Variants in EYS observed in about 807,000 individuals in gnomAD.
EYS encodes EGF-like photoreceptor maintenance factor.
EYS carries 250 observed loss-of-function variants against 282.1 expected under a neutral mutation model. The ratio of observed to expected loss-of-function variants is 0.89; its 90% CI spans 0.80 to 0.98. The LOEUF (loss-of-function observed/expected upper bound fraction) is 0.98, where lower values mean the gene tolerates loss of function less well. Among genes scored for constraint, EYS ranks in the 50% least tolerant of loss-of-function variants. The pLI is 0.00. For missense variants in EYS, 4,016 were observed against 3,709.0 expected (o/e 1.08, Z -2.15); for synonymous variants, 1,355 against 1,282.9 (o/e 1.06, Z -1.20).
At chr6:65,589,955 T>C (rs1476342344) in intron 2 of EYS, among the ~76,000 whole-genome samples, 1 of 152,134 alleles carries the variant, frequency 6.6e-6, no homozygotes, top group South Asian at 2.1e-4. Context: ...GTTAAATATA[T>C]CTTTATAATT....
chr6:65,499,179 T>A (rs897663126), intron 2 of EYS, among the ~76,000 whole-genome samples: 1 of 152,030 alleles, frequency 6.6e-6, no homozygotes, highest in Non-Finnish European at 1.5e-5. Flanking sequence ...TTAAATTCAG[T>A]AGTTAAGAAA....
chr6:64,768,971 C>G (rs961644781), intron 22 of EYS, among the ~76,000 whole-genome samples: 12 of 152,076 alleles, frequency 7.9e-5, no homozygotes, highest in African/African-American at 1.4e-4. Context: ...ATGAATGGAG[C>G]TAGATCCTGT....
intron 41 of EYS, among the ~76,000 whole-genome samples, chr6:63,746,324 G>T (rs1769209770): frequency 6.6e-6 from 1 of 152,220 alleles, no homozygotes; most frequent in Non-Finnish European, 1.5e-5. Flanking sequence ...GATTTAGTTT[G>T]CCAGTATTTT....
chr6:64,351,881 G>T (rs1442538438), intron 29 of EYS, among the ~76,000 whole-genome samples: 2 of 151,494 alleles, frequency 1.3e-5, no homozygotes, highest in Non-Finnish European at 3.0e-5. Context: ...GTAATTATGT[G>T]TATACATAGT....
At chr6:64,048,711 T>C (rs1040604396) in intron 33 of EYS, among the ~76,000 whole-genome samples, 1 of 152,160 alleles carries the variant, frequency 6.6e-6, no homozygotes, top group Non-Finnish European at 1.5e-5. Context: ...TGTTCATTTT[T>C]ATATGACTAT....
chr6:65,070,073 C>A (rs1026789044), intron 12 of EYS, among the ~76,000 whole-genome samples: 1 of 151,866 alleles, frequency 6.6e-6, no homozygotes, highest in Non-Finnish European at 1.5e-5. Context: ...GAGGTTAAAA[C>A]AATTCCTAAA....
At chr6:64,116,888 A>G (rs140750587) in intron 31 of EYS, among the ~76,000 whole-genome samples, 143 of 152,264 alleles carry the variant, frequency 9.4e-4, no homozygotes, top group Non-Finnish European at 1.6e-3. Flanking sequence ...TTGTAAATAT[A>G]TAAGTACTAA....
At chr6:64,563,451 T>G (rs1765466935) in intron 26 of EYS, among the ~76,000 whole-genome samples, 1 of 152,078 alleles carries the variant, frequency 6.6e-6, no homozygotes, top group Non-Finnish European at 1.5e-5. Flanking sequence ...GTATTCAAAA[T>G]TCTGACACCA....
intron 12 of EYS, among the ~76,000 whole-genome samples, chr6:65,164,401 T>A (rs868271738): frequency 6.7e-6 from 1 of 149,098 alleles, no homozygotes. Context: ...ACGATTATAC[T>A]TTTACTGCAT....
intron 29 of EYS, among the ~76,000 whole-genome samples, chr6:64,387,760 T>C (rs1291770947): frequency 6.6e-6 from 1 of 152,128 alleles, no homozygotes; most frequent in Non-Finnish European, 1.5e-5. Flanking sequence ...ATGGAGTAAA[T>C]CTGAATCTAA....
chr6:64,175,371 A>G (rs1267131767), intron 31 of EYS, among the ~76,000 whole-genome samples: 3 of 152,136 alleles, frequency 2.0e-5, no homozygotes, highest in African/African-American at 7.2e-5. Flanking sequence ...CAGGGAGCAG[A>G]AGTGAGGGAA....
At position 64,593,205 on chromosome 6, in the gene EYS, A is replaced by G. The variant is rs1269148511; in HGVS notation, c.3789T>C (p.Ile1263=). ...TDPISTQTYT[I]PPSETLVSSF... is the part of the protein sequence containing the mutation. ...TGCTGACCAAAGTCTCAGAAGGGGG[A>G]ATTGTATATGTCTGTGTGGAAATGG... Residue 1263 remains isoleucine (I), a synonymous_variant, in exon 25 of 43, where the codon ATT becomes ATC. Transcript: ENST00000503581. 6 of 1,549,864 alleles carry G rather than the reference A, an allele frequency of 3.9e-6. No individual in the cohort carries two copies. The highest frequency in any genetic ancestry group is 5.2e-6 in the Non-Finnish European group (6 of 1,146,182).
At chr6:64,021,169 G>A (rs1384364072) in intron 33 of EYS, among the ~76,000 whole-genome samples, 4 of 146,412 alleles carry the variant, frequency 2.7e-5, no homozygotes, top group Non-Finnish European at 4.5e-5. Flanking sequence ...AAAAAAAAAA[G>A]CCTTTTCTTT....
intron 5 of EYS, among the ~76,000 whole-genome samples, chr6:65,424,813 C>T (rs145215412): frequency 1.3e-5 from 2 of 151,952 alleles, no homozygotes; most frequent in African/African-American, 2.4e-5. Context: ...AACCCTCAAA[C>T]CTAGAAGCTA....
At position 64,792,349 on chromosome 6, in the gene EYS, A is replaced by T. The variant is rs140352797; in HGVS notation, c.3443+21029T>A. 4.5e-3 allele frequency among the ~76,000 whole-genome samples: 685 copies of T among 152,058 alleles called. 6 individuals are homozygous for T. Among genetic ancestry groups the T allele is most frequent in the African/African-American group, 0.015 (611 of 41,526 alleles). On this transcript the variant is annotated intron_variant, in intron 22 of 42. Transcript: ENST00000503581. ...TATTTACAATCCAAATAATCAGGAA[A>T]TATTTTTTTAGACATTTATAAATAT...
chr6:64,398,722 T>A (rs1773458142), intron 28 of EYS, among the ~76,000 whole-genome samples: 1 of 151,918 alleles, frequency 6.6e-6, no homozygotes, highest in Admixed American at 6.6e-5. Context: ...CCTATCTGTA[T>A]AATGATATAA....
chr6:64,128,190 G>A (rs984904864), intron 31 of EYS, among the ~76,000 whole-genome samples: 5 of 152,026 alleles, frequency 3.3e-5, no homozygotes, highest in East Asian at 3.9e-4. Context: ...TGAGCAGTAC[G>A]ATCTTTTATT....
chr6:65,294,569 G>A lies in EYS; in HGVS notation c.2023+1294C>T, dbSNP rs371672706. 9.9e-5 allele frequency among the ~76,000 whole-genome samples: 15 copies of A among 151,710 alleles called. No homozygotes were observed. In the East Asian group the frequency reaches 1.4e-3, roughly 14 times the overall value. ...AATATATATTTAATGATCATATAAC[G>A]TACAACCAATATAGAGTTGATATAA... On this transcript the variant is annotated intron_variant, in intron 12 of 42. Transcript: ENST00000503581.
intron 14 of EYS, among the ~76,000 whole-genome samples, chr6:64,989,394 AATATATAT>A (rs60684321): frequency 1.4e-4 from 10 of 69,722 alleles, no homozygotes; most frequent in Admixed American, 1.1e-3. Context: ...GGCTAGCTGT[AATATATAT>A]ATATATATAT....
Sources: gnomAD v4.1 joint callset for allele counts (sites outside exome capture counted in the v4.1 genomes callset) on GRCh38, gnomAD v4.1.1 for gene constraint, MANE v1.5 for transcripts, NCBI Gene and HGNC (gene_info 2026-07-23, HGNC 2026-07-21) for gene names.